The following PASD1 variants were observed in gnomAD, a reference collection of about 807,000 sequenced individuals.
The protein encoded by PASD1 is circadian clock protein PASD1.
A neutral mutation model predicts 58.8 loss-of-function variants in PASD1; 13 were observed. That is an observed-to-expected ratio of 0.22 (90% CI 0.14 to 0.35). PASD1 has a LOEUF of 0.35. Ranked by LOEUF, PASD1 falls within the 10% of genes least tolerant of loss-of-function variation. PASD1 has a pLI of 1.00. For missense variants in PASD1, 734 were observed against 568.3 expected, an observed-to-expected ratio of 1.29 and a Z score of -2.96; for synonymous variants, 236 against 216.7, an observed-to-expected ratio of 1.09 and a Z score of -0.78.
At chrX:151,659,601 A>G in intron 9 of PASD1, 112 bp from the exon 10 acceptor site, 1 of 714,653 alleles carries the variant, frequency 1.4e-6, no homozygotes, top group Non-Finnish European at 2.0e-6. Context: ...TGATTGCAGC[A>G]GTGTTAGAAA....
intron 4 of PASD1, among the ~76,000 whole-genome samples, chrX:151,614,447 G>A (rs148194698): frequency 2.2e-3 from 241 of 111,815 alleles, no homozygotes; most frequent in Non-Finnish European, 4.1e-3. Context: ...CCACTTATAC[G>A]TGTGTTTGAA....
At chrX:151,577,881 G>A (rs781352896) in intron 1 of PASD1, among the ~76,000 whole-genome samples, 1 of 111,533 alleles carries the variant, frequency 9.0e-6, no homozygotes, top group African/African-American at 3.3e-5. Context: ...GGCTATGCTG[G>A]GGACCTTTAT....
chrX:151,630,537 T>C (rs1353950681), intron 8 of PASD1, among the ~76,000 whole-genome samples: 1 of 112,480 alleles, frequency 8.9e-6, no homozygotes, highest in Non-Finnish European at 1.9e-5. Context: ...CTTGTCCCCA[T>C]GATATTTTCA....
At chrX:151,617,117 A>G (rs1398473373) in intron 4 of PASD1, among the ~76,000 whole-genome samples, 1 of 111,653 alleles carries the variant, frequency 9.0e-6, no homozygotes, top group South Asian at 3.8e-4. Context: ...TGGCTTTTGA[A>G]AAACCACCTT....
rs751920611 is a variant in PASD1 at position 151,576,664 on chromosome X, AGT to A, written c.-28+12836_-28+12837del. Among the ~76,000 whole-genome samples the A allele has an allele frequency of 2.0e-4, 22 of 111,602 alleles. No homozygotes were observed. In the East Asian group the frequency reaches 3.7e-3, roughly 19 times the overall value. ...AATTGGTGATTGTAGATCAATAAGA[AGT>A]GTGTGTGTGTATGTGTGTGTGTGTG... On this transcript the variant is annotated intron_variant, in intron 1 of 15. Transcript: ENST00000370357.
intron 1 of PASD1, among the ~76,000 whole-genome samples, chrX:151,576,798 T>C (rs935312753): frequency 1.1e-4 from 12 of 112,468 alleles, no homozygotes; most frequent in African/African-American, 3.9e-4. Context: ...AGATATTATA[T>C]GATTGTATTC....
intron 1 of PASD1, among the ~76,000 whole-genome samples, chrX:151,574,612 T>A (rs1293378128): frequency 1.8e-5 from 2 of 111,908 alleles, no homozygotes; most frequent in African/African-American, 6.5e-5. Flanking sequence ...ACCCAGTAGA[T>A]GCTGTGGGGA....
At chrX:151,570,141 G>C (rs1395462105) in intron 1 of PASD1, among the ~76,000 whole-genome samples, 2 of 111,163 alleles carry the variant, frequency 1.8e-5, no homozygotes, top group Non-Finnish European at 3.8e-5. Flanking sequence ...TGGGGGTTAG[G>C]CTGGGGATTA....
chrX:151,590,898 T>G, intron 1 of PASD1, among the ~76,000 whole-genome samples: 1 of 112,261 alleles, frequency 8.9e-6, no homozygotes, highest in Non-Finnish European at 1.9e-5. Context: ...AATTCAGGAT[T>G]ACAACTTTAG....
chrX:151,662,870 G>T, intron 10 of PASD1, among the ~76,000 whole-genome samples: 1 of 111,993 alleles, frequency 8.9e-6, no homozygotes, highest in Non-Finnish European at 1.9e-5. Context: ...GAATTAATTT[G>T]TGTGTGCATT....
intron 1 of PASD1, among the ~76,000 whole-genome samples, chrX:151,597,719 A>G (rs2013339355): frequency 9.1e-6 from 1 of 110,202 alleles, no homozygotes; most frequent in South Asian, 3.8e-4. Flanking sequence ...TTTGTTTACT[A>G]ATTTATTAAT....
intron 8 of PASD1, among the ~76,000 whole-genome samples, chrX:151,645,314 C>G (rs2014047534): frequency 8.9e-6 from 1 of 111,996 alleles, no homozygotes; most frequent in Admixed American, 9.5e-5. Flanking sequence ...TCCTGACTCT[C>G]TGCCACAACT....
Position 151,674,056 on chromosome X carries a change from C to T in PASD1, c.2045C>T (p.Thr682Ile). 1 of 1,210,055 alleles carries T rather than the reference C, an allele frequency of 8.3e-7. No homozygotes were observed. Among genetic ancestry groups the T allele is most frequent in the Non-Finnish European group, 1.1e-6 (1 of 895,079 alleles). ...ATAACTTCAGACTCAACCATAAGCA[C>T]CCTGGAGACCCCACAGGATTACATC... ...FPITSDSTIS[T>I]LETPQDYIRL... Residue 682 changes from threonine to isoleucine, a missense_variant, in exon 15 of 16, where the codon ACC becomes ATC. By Grantham distance (89) the Thr-to-Ile change is moderately conservative. Coordinates refer to ENST00000370357, the MANE Select transcript of PASD1 (RefSeq NM_173493.3).
intron 1 of PASD1, among the ~76,000 whole-genome samples, chrX:151,571,601 G>C (rs752593831): frequency 8.9e-5 from 10 of 112,180 alleles, no homozygotes; most frequent in Admixed American, 5.7e-4. Flanking sequence ...TCATCTGTCC[G>C]ACTCATGTCT....
chrX:151,576,374 A>G (rs189440307), intron 1 of PASD1, among the ~76,000 whole-genome samples: 182 of 112,309 alleles, frequency 1.6e-3, no homozygotes, highest in Admixed American at 3.7e-3. Flanking sequence ...GGCTTAAAGC[A>G]TAGGCCAAGA....
rs368493981 is a variant in PASD1, at chrX:151,648,721, A to G, written c.717+19A>G. 2.3e-4 allele frequency: 277 copies of G among 1,199,569 alleles called. No individual in the cohort carries two copies. Among genetic ancestry groups the G allele is most frequent in the Non-Finnish European group, 2.9e-4 (259 of 887,640 alleles). ...CTCAGACGTATGTACATTGAGGACC[A>G]TAGACTACAATCTTAGACCCTTATC... On this transcript the variant is annotated intron_variant, in intron 9 of 15. Transcript: ENST00000370357.
At chrX:151,601,638 T>G in intron 2 of PASD1, 57 bp downstream of exon 2, 3 of 1,131,204 alleles carry the variant, frequency 2.7e-6, no homozygotes, top group Non-Finnish European at 3.6e-6. Context: ...CGTCCTGTGT[T>G]CCCGTTTCAC....
At chrX:151,623,844 T>C (rs1017003962) in intron 7 of PASD1, among the ~76,000 whole-genome samples, 2 of 111,306 alleles carry the variant, frequency 1.8e-5, no homozygotes, top group African/African-American at 3.3e-5. Flanking sequence ...AGACCTAAGG[T>C]AGTAACTAGC....
chrX:151,610,002 T>C (rs769191645), intron 3 of PASD1, among the ~76,000 whole-genome samples: 1 of 111,268 alleles, frequency 9.0e-6, no homozygotes, highest in African/African-American at 3.3e-5. Flanking sequence ...TCATAGCCCA[T>C]CCTAATGGGT....
Sources: allele counts gnomAD v4.1 joint callset (sites outside exome capture counted in the v4.1 genomes callset), GRCh38; gene constraint gnomAD v4.1.1; transcripts MANE v1.5; gene names NCBI Gene and HGNC (gene_info 2026-07-23, HGNC 2026-07-21).